PRIMPOL: variants seen among roughly 807,000 people sequenced by gnomAD.
PRIMPOL encodes the protein primase and DNA directed polymerase.
Under a neutral mutation model 63.6 loss-of-function variants are expected in PRIMPOL, and 54 were observed. That is an observed-to-expected ratio of 0.85 (90% CI 0.68 to 1.07). The LOEUF (loss-of-function observed/expected upper bound fraction) is 1.07, where lower values mean the gene tolerates loss of function less well. PRIMPOL is among the 50% of genes least tolerant of loss of function. The probability of loss-of-function intolerance (pLI) is 0.00; values close to 1 mark genes in which losing one functional copy is unlikely to be tolerated. For missense variants in PRIMPOL, 610 were observed against 648.3 expected (o/e 0.94, Z 0.64); for synonymous variants, 197 against 220.2 (o/e 0.89, Z 0.93).
intron 9 of PRIMPOL, 110 bp downstream of exon 9, chr4:184,682,446 T>G: frequency 1.7e-6 from 1 of 581,874 alleles, no homozygotes; most frequent in Non-Finnish European, 3.1e-6. Flanking sequence ...CCTCCCAGGC[T>G]CAAGCCATCT....
chr4:184,664,654 G>A lies in PRIMPOL; in HGVS notation c.409-1263G>A, dbSNP rs556956674. ...AGAAGTGGCATACTTTCCTTCTCAC[G>A]TCCCATTGGCCAGACTTAGCAGCCA... On this transcript the variant is annotated intron_variant, in intron 5 of 13. Transcript: ENST00000314970. Among the ~76,000 whole-genome samples the A allele has an allele frequency of 3.3e-5, 5 of 152,270 alleles. No homozygotes were observed. The East Asian group carries it at 5.8e-4, about 18-fold the overall frequency.
intron 2 of PRIMPOL, among the ~76,000 whole-genome samples, chr4:184,655,181 T>A (rs1745977921): frequency 6.6e-6 from 1 of 151,868 alleles, no homozygotes; most frequent in Admixed American, 6.6e-5. Flanking sequence ...GGCTAATTTT[T>A]GTATTTTTAG....
intron 2 of PRIMPOL, among the ~76,000 whole-genome samples, chr4:184,654,644 G>A (rs1579276922): frequency 6.6e-6 from 1 of 151,944 alleles, no homozygotes; most frequent in South Asian, 2.1e-4. Flanking sequence ...AGTAGAGACA[G>A]GGTTTCACTG....
At chr4:184,690,114 C>T (rs762367724) in intron 11 of PRIMPOL, among the ~76,000 whole-genome samples, 63 of 152,140 alleles carry the variant, frequency 4.1e-4, no homozygotes, top group Non-Finnish European at 8.2e-4. Flanking sequence ...TGTTAACCAT[C>T]TTATTTCCTT....
At chr4:184,683,226 T>C in intron 9 of PRIMPOL, among the ~76,000 whole-genome samples, 1 of 151,968 alleles carries the variant, frequency 6.6e-6, no homozygotes, top group Non-Finnish European at 1.5e-5. Context: ...AGTTCAGGAG[T>C]TTGAGAACAG....
intron 7 of PRIMPOL, among the ~76,000 whole-genome samples, chr4:184,672,900 C>T (rs1752200196): frequency 6.6e-6 from 1 of 152,112 alleles, no homozygotes; most frequent in Non-Finnish European, 1.5e-5. Context: ...ATTTCATCAG[C>T]TTTCTTGCTG....
chr4:184,692,305 C>A (rs1361817620), intron 13 of PRIMPOL, among the ~76,000 whole-genome samples: 1 of 151,786 alleles, frequency 6.6e-6, no homozygotes, highest in African/African-American at 2.4e-5. Context: ...GAAACCCCAT[C>A]TCTACTAAAA....
intron 7 of PRIMPOL, among the ~76,000 whole-genome samples, chr4:184,673,920 G>A (rs1228522010): frequency 6.6e-6 from 1 of 152,252 alleles, no homozygotes; most frequent in African/African-American, 2.4e-5. Flanking sequence ...AGACAGAGGA[G>A]TGTGAGGTCG....
chr4:184,657,306 A>G lies in PRIMPOL; in HGVS notation c.166A>G (p.Lys56Glu). The G allele has an allele frequency of 6.2e-7, 1 of 1,610,070 alleles. No homozygotes were observed. The highest frequency in any genetic ancestry group is 8.5e-7 in the Non-Finnish European group (1 of 1,178,668). Residue 56 changes from lysine to glutamate, a missense_variant, in exon 3 of 14, where the codon AAA becomes GAA. Coordinates refer to ENST00000314970, the MANE Select transcript of PRIMPOL (RefSeq NM_152683.4). ...ACAAGCTCAAGCTTTTAATTTTGTT[A>G]AAAGCTGTAAAGAAGTAATTTCCTC... is the stretch of plus-strand genomic sequence containing the variant. ...HRQAQAFNFV[K>E]SCKEDVHVFA...
intron 9 of PRIMPOL, among the ~76,000 whole-genome samples, chr4:184,682,943 A>C (rs1043691146): frequency 2.0e-5 from 3 of 152,086 alleles, no homozygotes; most frequent in Non-Finnish European, 2.9e-5. Flanking sequence ...CCAGCCACTC[A>C]GGAGGCTAAG....
chr4:184,678,126 AAAT>A lies in PRIMPOL; in HGVS notation c.845-102_845-100del, dbSNP rs1258803775. The A allele has an allele frequency of 2.6e-5, 17 of 647,640 alleles. No individual in the cohort carries two copies. In the Admixed American group the frequency reaches 6.1e-4, roughly 23 times the overall value. 40.1% of individuals were successfully genotyped at this position (647,640 alleles called of 1,614,324 possible). ...TATTTTGTTTACAGCTATATATAGA[AAAT>A]AATTATTTTTTATTAATGCTATATA... On this transcript the variant is annotated intron_variant, in intron 7 of 13. Coordinates refer to ENST00000314970, the MANE Select transcript of PRIMPOL (RefSeq NM_152683.4).
Position 184,691,554 on chromosome 4 carries a change from T to A in PRIMPOL, c.1351T>A (p.Cys451Ser). The change falls in exon 12 of 14, where the codon TGT becomes AGT. Residue 451 changes from cysteine to serine, a missense_variant. Cys to Ser is a moderately radical substitution (Grantham distance 112). This residue lies in a region of PRIMPOL where 444 missense variants were observed against 456.4 expected (regional missense o/e 0.97). Transcript: ENST00000314970. ...VWYQKCHDPV[C>S]KAENFKSDCF... ...GTATCAAAAATGTCATGACCCTGTA[T>A]GTAAAGCAGAAAACTTCAAATCTGA... 6.2e-7 allele frequency: 1 copy of A among 1,609,326 alleles called. No individual in the cohort carries two copies. The highest frequency in any genetic ancestry group is 8.5e-7 in the Non-Finnish European group (1 of 1,177,260).
chr4:184,679,322 A>T (rs1330319830), intron 8 of PRIMPOL, among the ~76,000 whole-genome samples: 1 of 152,146 alleles, frequency 6.6e-6, no homozygotes, highest in Non-Finnish European at 1.5e-5. Flanking sequence ...TAGGCACAGT[A>T]GCATGTGCCT....
rs1415718411 is a variant in PRIMPOL at position 184,672,306 on chromosome 4, C to G, written c.690C>G (p.Phe230Leu). ...SEAPARQGFS[F>L]NKMFTEKATE... ...CACCTGCAAGACAAGGATTTTCTTT[C>G]AATAAAATGTTCACAGAAAAGGCTA... The change falls in exon 7 of 14, where the codon TTC (phenylalanine) becomes TTG (leucine). Residue 230 changes from phenylalanine to leucine, a missense_variant. Around this residue, in one of 3 missense-constraint regions of PRIMPOL, gnomAD observed 444 missense variants for 456.4 expected, o/e 0.97. Coordinates refer to ENST00000314970, the MANE Select transcript of PRIMPOL (RefSeq NM_152683.4). 1.2e-6 allele frequency: 2 copies of G among 1,613,936 alleles called. No individual in the cohort carries two copies. Among genetic ancestry groups the G allele is most frequent in the African/African-American group, 1.3e-5 (1 of 74,898 alleles).
rs998715992 is a variant in PRIMPOL, at chr4:184,672,041, C to T, written c.557-132C>T. ...AGGCGTGAGCCACTGTGCCCGGCAG[C>T]AACCCAGTTTTGAAACCAGAAATCA... On this transcript the variant is annotated intron_variant, in intron 6 of 13. Coordinates refer to ENST00000314970, the MANE Select transcript of PRIMPOL (RefSeq NM_152683.4). 1.6e-4 allele frequency: 136 copies of T among 859,430 alleles called. 1 individual carries two copies. The highest frequency in any genetic ancestry group is 1.1e-3 in the South Asian group (64 of 59,928). The allele number at this position is 859,430 out of a possible 1,614,324, so 53.2% of individuals were successfully genotyped here.
intron 4 of PRIMPOL, among the ~76,000 whole-genome samples, chr4:184,659,680 A>T (rs952939014): frequency 6.6e-6 from 1 of 152,188 alleles, no homozygotes; most frequent in Admixed American, 6.5e-5. Flanking sequence ...GGAGTTTTGA[A>T]ATTTCTCTTT....
intron 11 of PRIMPOL, among the ~76,000 whole-genome samples, chr4:184,689,598 G>A (rs1384918925): frequency 6.6e-6 from 1 of 151,642 alleles, no homozygotes; most frequent in Non-Finnish European, 1.5e-5. Context: ...GATTACAGGT[G>A]CCCACCGCCA....
chr4:184,672,317 T>C lies in PRIMPOL; in HGVS notation c.701T>C (p.Phe234Ser). 4 of 1,614,144 alleles carry C rather than the reference T, an allele frequency of 2.5e-6. No homozygotes were observed. Among genetic ancestry groups the C allele is most frequent in the Non-Finnish European group, 3.4e-6 (4 of 1,180,034 alleles). Residue 234 changes from phenylalanine (F) to serine (S), a missense_variant, in exon 7 of 14, where the codon TTC becomes TCC. Phe to Ser is a radical substitution (Grantham distance 155). Around this residue, in one of 3 missense-constraint regions of PRIMPOL, gnomAD observed 444 missense variants for 456.4 expected, o/e 0.97. Coordinates refer to ENST00000314970, the MANE Select transcript of PRIMPOL (RefSeq NM_152683.4). ...CAAGGATTTTCTTTCAATAAAATGT[T>C]CACAGAAAAGGCTACAGAGGAAAGC... ...ARQGFSFNKM[F>S]TEKATEESWT...
At chr4:184,653,269 TG>T (rs1745251339) in intron 2 of PRIMPOL, among the ~76,000 whole-genome samples, 1 of 152,088 alleles carries the variant, frequency 6.6e-6, no homozygotes, top group Non-Finnish European at 1.5e-5. Context: ...GTGTCACAGC[TG>T]GGCAAGGCTG....
Sources: allele counts gnomAD v4.1 joint callset (sites outside exome capture counted in the v4.1 genomes callset), GRCh38; gene constraint gnomAD v4.1.1; regional missense constraint gnomAD v4.1.1; transcripts MANE v1.5; gene names NCBI Gene and HGNC (gene_info 2026-07-23, HGNC 2026-07-21).